NLGN1: variants seen among roughly 807,000 people sequenced by gnomAD.
NLGN1 encodes the protein neuroligin-1.
In NLGN1, 12 loss-of-function variants were observed where a neutral mutation model predicts 65.5. The ratio of observed to expected loss-of-function variants is 0.18; its 90% CI spans 0.12 to 0.30. The LOEUF is 0.30. Among genes scored for constraint, NLGN1 ranks in the 10% least tolerant of loss-of-function variants. NLGN1 has a pLI of 1.00. For missense variants in NLGN1, 750 were observed against 1,007.1 expected (o/e 0.74, Z 3.46); for synonymous variants, 350 against 359.5 (o/e 0.97, Z 0.30).
At chr3:173,566,928 T>C (rs1180510187) in intron 2 of NLGN1, among the ~76,000 whole-genome samples, 1 of 152,162 alleles carries the variant, frequency 6.6e-6, no homozygotes, top group Non-Finnish European at 1.5e-5. Flanking sequence ...TTATCCTCTA[T>C]CAGTTCAGTG....
chr3:173,406,126 A>G (rs1718602800), intron 1 of NLGN1, among the ~76,000 whole-genome samples: 1 of 152,080 alleles, frequency 6.6e-6, no homozygotes, highest in African/African-American at 2.4e-5. Context: ...AATAACTGTT[A>G]AGCAATGCAG....
chr3:174,149,747 A>C (rs1723981450), intron 4 of NLGN1, among the ~76,000 whole-genome samples: 1 of 152,160 alleles, frequency 6.6e-6, no homozygotes, highest in Non-Finnish European at 1.5e-5. Context: ...AGATAATAAT[A>C]ACACAGTAGA....
chr3:173,424,675 C>T (rs906376563), intron 1 of NLGN1, among the ~76,000 whole-genome samples: 4 of 152,204 alleles, frequency 2.6e-5, no homozygotes, highest in Non-Finnish European at 4.4e-5. Context: ...GACCTTTACT[C>T]CAGTTCCCAA....
chr3:174,178,501 C>G (rs1014772045), intron 4 of NLGN1, among the ~76,000 whole-genome samples: 5 of 152,084 alleles, frequency 3.3e-5, no homozygotes, highest in Admixed American at 2.0e-4. Flanking sequence ...CCATTAGGAG[C>G]AGTAAATCCG....
At chr3:173,513,590 C>T (rs1369033153) in intron 2 of NLGN1, among the ~76,000 whole-genome samples, 1 of 152,156 alleles carries the variant, frequency 6.6e-6, no homozygotes, top group African/African-American at 2.4e-5. Flanking sequence ...AAGTTGTTAA[C>T]ACAGAATGGC....
intron 3 of NLGN1, among the ~76,000 whole-genome samples, chr3:173,780,907 C>T (rs1036748753): frequency 1.3e-5 from 2 of 151,810 alleles, no homozygotes; most frequent in African/African-American, 4.8e-5. Flanking sequence ...TTTGGGAGGC[C>T]GAGGCGGGCG....
chr3:173,484,644 G>A (rs575573962), intron 2 of NLGN1, among the ~76,000 whole-genome samples: 9 of 152,014 alleles, frequency 5.9e-5, no homozygotes, highest in African/African-American at 2.2e-4. Context: ...AAAGACATAG[G>A]CCAATATATC....
chr3:173,613,365 C>T (rs1196277047), intron 3 of NLGN1, among the ~76,000 whole-genome samples: 1 of 152,044 alleles, frequency 6.6e-6, no homozygotes, highest in African/African-American at 2.4e-5. Flanking sequence ...CCACGATGAC[C>T]CTTCCTACAG....
At chr3:173,494,867 C>G (rs950150849) in intron 2 of NLGN1, among the ~76,000 whole-genome samples, 1 of 151,616 alleles carries the variant, frequency 6.6e-6, no homozygotes, top group African/African-American at 2.4e-5. Flanking sequence ...TGTTGATATT[C>G]TTTCACTGAT....
intron 4 of NLGN1, among the ~76,000 whole-genome samples, chr3:174,092,740 C>A (rs1744763576): frequency 6.6e-6 from 1 of 152,122 alleles, no homozygotes; most frequent in Non-Finnish European, 1.5e-5. Context: ...CTGGCCACTT[C>A]ATGAAGATAT....
At chr3:174,241,931 T>A (rs1347537231) in intron 4 of NLGN1, among the ~76,000 whole-genome samples, 1 of 152,164 alleles carries the variant, frequency 6.6e-6, no homozygotes, top group Non-Finnish European at 1.5e-5. Flanking sequence ...GTGCTAGGAT[T>A]ACAGGCGTGA....
At chr3:173,722,670 T>C (rs193104170) in intron 3 of NLGN1, among the ~76,000 whole-genome samples, 3 of 152,316 alleles carry the variant, frequency 2.0e-5, no homozygotes, top group Admixed American at 2.0e-4. Flanking sequence ...TCACACATAA[T>C]ACCTGCATGA....
intron 4 of NLGN1, among the ~76,000 whole-genome samples, chr3:174,070,854 A>C (rs931023817): frequency 1.3e-5 from 2 of 152,132 alleles, no homozygotes; most frequent in African/African-American, 4.8e-5. Context: ...CAGGACTTCA[A>C]GATCAGCCTG....
exon 3 of NLGN1, chr3:173,605,035 T>C (rs1278618981): frequency 5.6e-6 from 9 of 1,613,178 alleles, no homozygotes; most frequent in Non-Finnish European, 7.6e-6. Context: ...TCATCATATG[T>C]GCAAGACCAG....
At chr3:174,023,431 C>T (rs2241302) in intron 4 of NLGN1, among the ~76,000 whole-genome samples, 39,245 of 151,820 alleles carry the variant, frequency 0.26, 5,954 homozygotes, top group African/African-American at 0.42. Flanking sequence ...CCTCCAAAAA[C>T]GCTGGCATCT....
chr3:173,635,334 G>T (rs1756410481), intron 3 of NLGN1, among the ~76,000 whole-genome samples: 1 of 152,096 alleles, frequency 6.6e-6, no homozygotes, highest in Non-Finnish European at 1.5e-5. Context: ...TGCAAATAAG[G>T]ACAAGGGAGC....
intron 4 of NLGN1, among the ~76,000 whole-genome samples, chr3:174,118,794 A>T (rs1223168885): frequency 6.6e-6 from 1 of 152,144 alleles, no homozygotes; most frequent in Non-Finnish European, 1.5e-5. Context: ...GTAGAATGCA[A>T]ATTAGGAAAT....
intron 4 of NLGN1, among the ~76,000 whole-genome samples, chr3:174,007,496 C>A (rs1187659823): frequency 2.0e-5 from 3 of 152,210 alleles, no homozygotes; most frequent in African/African-American, 7.2e-5. Flanking sequence ...CTGACTGTGA[C>A]TTCCCATAGT....
At chr3:173,731,786 A>G (rs1772896973) in intron 3 of NLGN1, among the ~76,000 whole-genome samples, 1 of 152,124 alleles carries the variant, frequency 6.6e-6, no homozygotes, top group South Asian at 2.1e-4. Flanking sequence ...ATAAATATAT[A>G]AAGGAGATGT....
Sources: gnomAD v4.1 joint callset for allele counts (sites outside exome capture counted in the v4.1 genomes callset) on GRCh38, gnomAD v4.1.1 for gene constraint, MANE v1.5 for transcripts, NCBI Gene and HGNC (gene_info 2026-07-23, HGNC 2026-07-21) for gene names.